The following FSTL5 variants were observed in gnomAD, a reference collection of about 807,000 sequenced individuals.
FSTL5 encodes the protein follistatin like 5.
Under a neutral mutation model 89.1 loss-of-function variants are expected in FSTL5, and 62 were observed. The ratio of observed to expected loss-of-function variants is 0.70; its 90% confidence interval spans 0.57 to 0.86. The LOEUF (loss-of-function observed/expected upper bound fraction) is 0.86. Among genes scored for constraint, FSTL5 ranks in the 40% least tolerant of loss-of-function variants. The probability of loss-of-function intolerance (pLI) is 0.00; values close to 1 mark genes in which losing one functional copy is unlikely to be tolerated. For synonymous variants in FSTL5, 383 were observed against 346.2 expected (o/e 1.11, Z -1.18); for missense variants, 1,057 against 1,001.6 (o/e 1.06, Z -0.75).
chr4:161,514,912 G>T (rs994466664), intron 10 of FSTL5, among the ~76,000 whole-genome samples: 1 of 151,758 alleles, frequency 6.6e-6, no homozygotes, highest in African/African-American at 2.4e-5. Context: ...GTTTGCAATA[G>T]CTTAAAAGCA....
chr4:162,134,617 AT>A (rs1266383402), intron 1 of FSTL5, among the ~76,000 whole-genome samples: 1 of 152,218 alleles, frequency 6.6e-6, no homozygotes, highest in Middle Eastern at 3.2e-3. Flanking sequence ...ACCCTTTCTC[AT>A]TTAGCTCATG....
At chr4:161,569,355 A>G (rs912836987) in intron 8 of FSTL5, among the ~76,000 whole-genome samples, 6 of 152,180 alleles carry the variant, frequency 3.9e-5, no homozygotes, top group Non-Finnish European at 8.8e-5. Flanking sequence ...TTCAAATACC[A>G]GAATTACATC....
intron 11 of FSTL5, among the ~76,000 whole-genome samples, chr4:161,501,062 C>G (rs377277658): frequency 5.9e-5 from 9 of 152,078 alleles, no homozygotes; most frequent in African/African-American, 2.2e-4. Context: ...CAAATTTATT[C>G]AGTATAATTA....
rs774161138 is a variant in FSTL5, at chr4:162,033,647, A to AT, written c.137dup (p.Asn46LysfsTer21). On this transcript the variant is annotated frameshift_variant, in exon 3 of 16. Transcript: ENST00000306100. LOFTEE classifies it high-confidence loss of function. Reference sequence around the variant, plus strand: ...TACCTTTGACTCTTGAACTTTCTTGATTTTTTTCCTGCTGGAAATAAAACA... The same window carrying AT: ...TACCTTTGACTCTTGAACTTTCTTGATTTTTTTTCCTGCTGGAAATAAAACA... The AT allele has an allele frequency of 3.3e-6, 5 of 1,495,116 alleles. No individual in the cohort carries two copies. Among genetic ancestry groups the AT allele is most frequent in the Non-Finnish European group, 3.7e-6 (4 of 1,089,956 alleles). The allele number at this position is 1,495,116 out of a possible 1,614,324, so 92.6% of individuals were successfully genotyped here. A position where few individuals can be genotyped will look rare whatever the true frequency, so the allele number is the denominator to read the frequency against.
At chr4:161,573,258 A>G (rs1733083862) in intron 8 of FSTL5, among the ~76,000 whole-genome samples, 1 of 151,980 alleles carries the variant, frequency 6.6e-6, no homozygotes, top group African/African-American at 2.4e-5. Context: ...AAAAATACAA[A>G]AATTAGCCAA....
At chr4:161,945,586 T>C (rs1734712498) in intron 3 of FSTL5, among the ~76,000 whole-genome samples, 1 of 152,140 alleles carries the variant, frequency 6.6e-6, no homozygotes, top group South Asian at 2.1e-4. Flanking sequence ...ACCCCATCTC[T>C]ACTAAAAATA....
At chr4:162,070,391 G>A (rs1400041237) in intron 2 of FSTL5, among the ~76,000 whole-genome samples, 2 of 151,814 alleles carry the variant, frequency 1.3e-5, no homozygotes, top group East Asian at 3.9e-4. Context: ...ATTTTTGTCT[G>A]TTCATCTGAA....
chr4:161,430,313 A>T (rs1169507069), intron 15 of FSTL5, among the ~76,000 whole-genome samples: 4 of 151,426 alleles, frequency 2.6e-5, no homozygotes, highest in African/African-American at 9.7e-5. Context: ...AGAGAGATAC[A>T]GTTAGAAAGT....
In FSTL5 at chr4:161,775,906, C is replaced by T. The variant is rs72689202; in HGVS notation, c.578G>A (p.Gly193Glu). The T allele has an allele frequency of 0.022, 35,197 of 1,584,302 alleles. 469 individuals carry two copies. The highest frequency in any genetic ancestry group is 0.027 in the Non-Finnish European group (31,453 of 1,165,530). Residue 193 changes from glycine (G) to glutamate (E), a missense_variant, in exon 5 of 16, where the codon GGA becomes GAA. Physicochemically the swap from Gly to Glu is moderately conservative, Grantham distance 98. Coordinates refer to ENST00000306100, the MANE Select transcript of FSTL5 (RefSeq NM_020116.5). ...AGTTAGTTCATTAATATCTACAAGT[C>T]CATTACTGTCTGCATCAAAATATTT... The part of the protein sequence containing the change: ...MFKYFDADSN[G>E]LVDINELTQV...
At chr4:161,920,332 G>A (rs936807683) in intron 4 of FSTL5, 72 bp downstream of exon 4, 1 of 1,457,556 alleles carries the variant, frequency 6.9e-7, no homozygotes, top group African/African-American at 1.4e-5. Context: ...AAAATTGCTA[G>A]AGTTTAAAGG....
intron 7 of FSTL5, among the ~76,000 whole-genome samples, chr4:161,594,587 T>G (rs1489588354): frequency 6.6e-6 from 1 of 152,030 alleles, no homozygotes; most frequent in Non-Finnish European, 1.5e-5. Context: ...CATATCTAAA[T>G]TACCATTACC....
intron 8 of FSTL5, among the ~76,000 whole-genome samples, chr4:161,555,179 A>G (rs995670672): frequency 1.3e-5 from 2 of 151,558 alleles, no homozygotes; most frequent in Non-Finnish European, 3.0e-5. Context: ...ATCATATGAC[A>G]TTGTAAGAAA....
intron 12 of FSTL5, among the ~76,000 whole-genome samples, chr4:161,486,170 A>G: frequency 6.6e-6 from 1 of 151,714 alleles, no homozygotes; most frequent in South Asian, 2.1e-4. Context: ...AAAAAAGTAA[A>G]TATCTGGTTC....
chr4:161,851,187 G>A (rs1731537907), intron 4 of FSTL5, among the ~76,000 whole-genome samples: 2 of 152,012 alleles, frequency 1.3e-5, no homozygotes, highest in South Asian at 4.1e-4. Flanking sequence ...AAATCCTTAG[G>A]CCATGATAAT....
At chr4:161,997,267 G>C (rs977323932) in intron 3 of FSTL5, among the ~76,000 whole-genome samples, 23 of 152,038 alleles carry the variant, frequency 1.5e-4, no homozygotes, top group Non-Finnish European at 1.2e-4. Context: ...TTATGTTTTA[G>C]CAGATTTTTC....
chr4:161,404,444 T>C (rs931871650), intron 15 of FSTL5, among the ~76,000 whole-genome samples: 1 of 152,196 alleles, frequency 6.6e-6, no homozygotes, highest in Non-Finnish European at 1.5e-5. Flanking sequence ...CAATATCCTG[T>C]AGACTCATGT....
At chr4:161,806,833 T>C (rs6857194) in intron 4 of FSTL5, among the ~76,000 whole-genome samples, 111,689 of 151,922 alleles carry the variant, frequency 0.74, 41,114 homozygotes, top group Admixed American at 0.76. Flanking sequence ...GTCTGACAGG[T>C]AATACAGAGA....
At chr4:161,922,211 G>T (rs533789798) in intron 3 of FSTL5, among the ~76,000 whole-genome samples, 2 of 151,902 alleles carry the variant, frequency 1.3e-5, no homozygotes, top group African/African-American at 4.8e-5. Flanking sequence ...TATAATTATT[G>T]ATGAAGGATT....
At chr4:161,908,355 CT>C (rs959435176) in intron 4 of FSTL5, among the ~76,000 whole-genome samples, 61 of 151,972 alleles carry the variant, frequency 4.0e-4, no homozygotes, top group African/African-American at 1.4e-3. Context: ...TACGAACATA[CT>C]TTATCTTTCT....
Sources: allele counts gnomAD v4.1 joint callset (sites outside exome capture counted in the v4.1 genomes callset), GRCh38; gene constraint gnomAD v4.1.1; transcripts MANE v1.5; gene names NCBI Gene and HGNC (gene_info 2026-07-23, HGNC 2026-07-21).